UBE2G1: variants seen among roughly 807,000 people sequenced by gnomAD.
UBE2G1 encodes ubiquitin conjugating enzyme E2 G1.
In UBE2G1, 5 loss-of-function variants were observed where a neutral mutation model predicts 22.7. The observed-to-expected ratio is 0.22, with a 90% CI of 0.12 to 0.46. The LOEUF is 0.46. Among genes scored for constraint, UBE2G1 ranks in the 20% least tolerant of loss-of-function variants. The pLI, the probability that UBE2G1 is intolerant of heterozygous loss-of-function variation, is 0.99. For synonymous variants in UBE2G1, 74 were observed against 67.5 expected, an observed-to-expected ratio of 1.10 and a Z score of -0.47; for missense variants, 88 against 203.9, an observed-to-expected ratio of 0.43 and a Z score of 3.46.
At chr17:4,301,590 TTTTTA>T in intron 2 of UBE2G1, 2 of 1,286,612 alleles carry the variant, frequency 1.6e-6, no homozygotes, top group Non-Finnish European at 2.3e-6. Context: ...CTTTGGTGGC[TTTTTA>T]AAAGACCGAG....
intron 5 of UBE2G1, among the ~76,000 whole-genome samples, chr17:4,277,985 T>C (rs924015720): frequency 4.6e-5 from 7 of 152,118 alleles, no homozygotes; most frequent in Non-Finnish European, 2.9e-5. Context: ...CTGCAGCCTC[T>C]GCCTCCGGGA....
intron 1 of UBE2G1, among the ~76,000 whole-genome samples, chr17:4,346,890 T>C (rs1969783408): frequency 6.6e-6 from 1 of 151,882 alleles, no homozygotes; most frequent in Non-Finnish European, 1.5e-5. Context: ...CGGTGGCTCA[T>C]GCCTGTAATC....
At chr17:4,304,427 C>T (rs1969224769) in intron 2 of UBE2G1, among the ~76,000 whole-genome samples, 2 of 152,146 alleles carry the variant, frequency 1.3e-5, no homozygotes, top group Non-Finnish European at 2.9e-5. Flanking sequence ...TCAGAATGTA[C>T]ATTTCATAGA....
intron 1 of UBE2G1, among the ~76,000 whole-genome samples, chr17:4,359,851 CAAAAAA>C (rs35941094): frequency 9.3e-6 from 1 of 107,512 alleles, no homozygotes; most frequent in Non-Finnish European, 2.2e-5. Flanking sequence ...GGCTCCATCT[CAAAAAA>C]AAAAAAAAAA....
At chr17:4,358,499 T>C (rs1287863454) in intron 1 of UBE2G1, among the ~76,000 whole-genome samples, 2 of 152,168 alleles carry the variant, frequency 1.3e-5, no homozygotes, top group African/African-American at 4.8e-5. Flanking sequence ...ATATTCTAGA[T>C]ACAATCAGTT....
intron 1 of UBE2G1, among the ~76,000 whole-genome samples, chr17:4,360,814 G>C (rs540801189): frequency 4.6e-5 from 7 of 152,208 alleles, no homozygotes; most frequent in African/African-American, 1.7e-4. Context: ...GGGAGGCTGA[G>C]GTAGGAGAAT....
At chr17:4,298,906 G>A (rs1037898482) in intron 2 of UBE2G1, among the ~76,000 whole-genome samples, 2 of 152,166 alleles carry the variant, frequency 1.3e-5, no homozygotes, top group African/African-American at 4.8e-5. Context: ...GAGGGCTTGA[G>A]GGAATAGAGA....
At chr17:4,337,771 T>C (rs921935361) in intron 1 of UBE2G1, among the ~76,000 whole-genome samples, 1 of 152,090 alleles carries the variant, frequency 6.6e-6, no homozygotes, top group African/African-American at 2.4e-5. Flanking sequence ...GAGCAAGAAT[T>C]AAATGAGCAT....
At chr17:4,340,238 A>ATCC (rs900899398) in intron 1 of UBE2G1, among the ~76,000 whole-genome samples, 5 of 152,188 alleles carry the variant, frequency 3.3e-5, no homozygotes, top group African/African-American at 1.2e-4. Context: ...ACTTATTTAT[A>ATCC]TCCCCTCTTT....
At chr17:4,345,825 T>G (rs1474434297) in intron 1 of UBE2G1, 1 of 152,062 alleles carries the variant, frequency 6.6e-6, no homozygotes, top group Non-Finnish European at 1.5e-5. Flanking sequence ...GATCCCCAAG[T>G]AAAAATAGAA....
chr17:4,329,593 A>G (rs1258599797), intron 1 of UBE2G1, among the ~76,000 whole-genome samples: 1 of 151,950 alleles, frequency 6.6e-6, no homozygotes. Context: ...TTCCACTATT[A>G]AACAACTTCT....
At chr17:4,307,835 G>A (rs1239013377) in intron 1 of UBE2G1, among the ~76,000 whole-genome samples, 1 of 152,170 alleles carries the variant, frequency 6.6e-6, no homozygotes, top group East Asian at 1.9e-4. Flanking sequence ...GAGAAAGGAT[G>A]ACAGGGTGGG....
chr17:4,301,867 T>G, intron 2 of UBE2G1: 1 of 500,746 alleles, frequency 2.0e-6, no homozygotes, highest in Non-Finnish European at 4.0e-6. Context: ...ACTTCGTGAG[T>G]TGGCTGTATT....
intron 1 of UBE2G1, among the ~76,000 whole-genome samples, chr17:4,316,269 A>C (rs1969371088): frequency 6.6e-6 from 1 of 152,164 alleles, no homozygotes; most frequent in Non-Finnish European, 1.5e-5. Context: ...GTTGGCTGCA[A>C]GGTATATGTC....
intron 1 of UBE2G1, among the ~76,000 whole-genome samples, chr17:4,363,613 A>G (rs961364841): frequency 6.6e-6 from 1 of 152,166 alleles, no homozygotes; most frequent in Non-Finnish European, 1.5e-5. Context: ...TTAGTAATGC[A>G]TAACTTCTTT....
chr17:4,312,627 C>T (rs1479942110), intron 1 of UBE2G1, among the ~76,000 whole-genome samples: 3 of 135,624 alleles, frequency 2.2e-5, no homozygotes, highest in South Asian at 2.5e-4. Flanking sequence ...ACCTGGGAGG[C>T]GGAGCTTGCA....
chr17:4,302,115 ATC>A, intron 2 of UBE2G1: 2 of 525,936 alleles, frequency 3.8e-6, no homozygotes, highest in Non-Finnish European at 7.7e-6. Context: ...CATATTTATC[ATC>A]TGTGTCTGCT....
intron 1 of UBE2G1, among the ~76,000 whole-genome samples, chr17:4,362,757 C>A (rs954874941): frequency 6.6e-6 from 1 of 151,828 alleles, no homozygotes; most frequent in African/African-American, 2.4e-5. Context: ...CTACTGGGGG[C>A]CGCAGGGGGC....
chr17:4,283,397 G>A (rs1968918537), intron 4 of UBE2G1, among the ~76,000 whole-genome samples: 1 of 152,156 alleles, frequency 6.6e-6, no homozygotes, highest in Admixed American at 6.5e-5. Context: ...CTACTCAGGA[G>A]GCTGAGGCAG....
Sources: gnomAD v4.1 joint callset for allele counts (sites outside exome capture counted in the v4.1 genomes callset) on GRCh38, gnomAD v4.1.1 for gene constraint, MANE v1.5 for transcripts, NCBI Gene and HGNC (gene_info 2026-07-23, HGNC 2026-07-21) for gene names.